DCBLD1: variants seen among roughly 807,000 people sequenced by gnomAD.
DCBLD1 encodes discoidin, CUB and LCCL domain containing 1, also known as discoidin, CUB and LCCL domain-containing protein 1.
Under a neutral mutation model 71.5 loss-of-function variants are expected in DCBLD1, and 57 were observed. The observed-to-expected ratio is 0.80, with a 90% CI of 0.64 to 0.99. DCBLD1 has a LOEUF of 0.99. DCBLD1 is among the 50% of genes least tolerant of loss of function. DCBLD1 has a pLI of 0.00. For synonymous variants in DCBLD1, 380 were observed against 363.8 expected (o/e 1.04, Z -0.51); for missense variants, 891 against 923.5 (o/e 0.96, Z 0.46).
chr6:117,569,275 TA>T (rs1223547387), intron 14 of DCBLD1, among the ~76,000 whole-genome samples: 6 of 152,224 alleles, frequency 3.9e-5, no homozygotes, highest in African/African-American at 1.4e-4. Context: ...CTGAGTACTT[TA>T]TATGTATTAA....
At chr6:117,503,697 G>A in intron 1 of DCBLD1, 70 bp from the exon 2 acceptor site, 1 of 1,517,830 alleles carries the variant, frequency 6.6e-7, no homozygotes. Flanking sequence ...AGATTGTATT[G>A]GACTCTCAAT....
intron 12 of DCBLD1, 78 bp downstream of exon 12, chr6:117,543,289 A>G: frequency 8.4e-7 from 1 of 1,192,906 alleles, no homozygotes; most frequent in South Asian, 1.2e-5. Flanking sequence ...TTCTTCAGAA[A>G]TGCATATGTA....
In DCBLD1 at chr6:117,569,704, G is replaced by T. The variant is rs1180763058; in HGVS notation, c.*80G>T. On this transcript the variant is annotated 3_prime_UTR_variant, in exon 15 of 15. Transcript: ENST00000296955. ...CAGGTTGCCCCGGATGGATCTCAGA[G>T]ATGAGGATTGGAACACCATGTTCTT... is the stretch of plus-strand genomic sequence containing the variant. 5.0e-6 allele frequency: 8 copies of T among 1,606,096 alleles called. No homozygotes were observed. The Admixed American group carries it at 1.4e-4, about 28-fold the overall frequency.
At position 117,548,181 on chromosome 6, in the gene DCBLD1, C is replaced by G. The variant is rs1002941679; in HGVS notation, c.1890C>G (p.His630Gln). 6.5e-6 allele frequency: 10 copies of G among 1,550,376 alleles called. No individual in the cohort carries two copies. The highest frequency in any genetic ancestry group is 1.7e-4 in the Middle Eastern group (1 of 5,992). Residue 630 changes from histidine to glutamine, a missense_variant, in exon 15 of 15, where the codon CAC (histidine) becomes CAG (glutamine). Coordinates refer to ENST00000338728, the MANE Select transcript of DCBLD1 (RefSeq NM_001366458.2). ...GYRVPGPQPG[H>Q]KHSLSSGGFS... ...GCGTCCCAGGGCCCCAGCCCGGCCACAAACACTCCCTCTCCTCGGGCGGCT... is the reference window on the plus strand; with the variant it reads ...GCGTCCCAGGGCCCCAGCCCGGCCAGAAACACTCCCTCTCCTCGGGCGGCT...
chr6:117,513,624 T>C (rs559982768), intron 2 of DCBLD1, among the ~76,000 whole-genome samples: 1 of 152,278 alleles, frequency 6.6e-6, no homozygotes, highest in East Asian at 1.9e-4. Flanking sequence ...AGTGAGAGAA[T>C]AGTAGGAAGT....
At chr6:117,552,646 C>G (rs1436659011), downstream of DCBLD1, among the ~76,000 whole-genome samples, 1 of 152,158 alleles carries the variant, frequency 6.6e-6, no homozygotes, top group Non-Finnish European at 1.5e-5. Context: ...CTTCATTCCT[C>G]CTTTGTAATC....
chr6:117,526,199 C>T (rs536877642), intron 5 of DCBLD1, among the ~76,000 whole-genome samples: 3 of 152,144 alleles, frequency 2.0e-5, no homozygotes, highest in Non-Finnish European at 4.4e-5. Context: ...AAAAGTTTGA[C>T]TGTGATTTTC....
chr6:117,482,749 G>A lies in DCBLD1; in HGVS notation c.-33G>A. On this transcript the variant is annotated 5_prime_UTR_variant, in exon 1 of 15. Coordinates refer to ENST00000338728, the MANE Select transcript of DCBLD1 (RefSeq NM_001366458.2). Reference sequence around the variant, plus strand: ...GCGGCTCGGGATCCGTCGAGGGGAGGCCGAGCTTGCCAAGCTGGCGCCCAG... The same window carrying A: ...GCGGCTCGGGATCCGTCGAGGGGAGACCGAGCTTGCCAAGCTGGCGCCCAG... 1.8e-6 allele frequency: 2 copies of A among 1,124,450 alleles called. No homozygotes were observed. The highest frequency in any genetic ancestry group is 3.8e-4 in the Middle Eastern group (1 of 2,634). 69.7% of individuals were successfully genotyped at this position (1,124,450 alleles called of 1,614,324 possible). A position where few individuals can be genotyped will look rare whatever the true frequency, so the allele number is the denominator to read the frequency against.
At chr6:117,538,366 G>A (rs1301995891) in intron 7 of DCBLD1, among the ~76,000 whole-genome samples, 1 of 152,196 alleles carries the variant, frequency 6.6e-6, no homozygotes, top group African/African-American at 2.4e-5. Context: ...CAGTGGGGAC[G>A]AAGAGGTGTC....
At chr6:117,501,351 G>A (rs1777653018) in intron 1 of DCBLD1, among the ~76,000 whole-genome samples, 1 of 152,036 alleles carries the variant, frequency 6.6e-6, no homozygotes, top group Non-Finnish European at 1.5e-5. Context: ...TGTTGTTGTT[G>A]TTGAGACGGA....
At chr6:117,510,190 T>C (rs1037065814) in intron 2 of DCBLD1, among the ~76,000 whole-genome samples, 6 of 152,334 alleles carry the variant, frequency 3.9e-5, no homozygotes, top group African/African-American at 1.4e-4. Context: ...TAGCCTCATC[T>C]CTGAGTCCTT....
intron 1 of DCBLD1, among the ~76,000 whole-genome samples, chr6:117,500,195 C>G (rs1777606782): frequency 6.6e-6 from 1 of 152,150 alleles, no homozygotes; most frequent in South Asian, 2.1e-4. Flanking sequence ...AGTGAAAATT[C>G]CTGATGTAGT....
At chr6:117,547,649 C>G (rs1210641951) in intron 14 of DCBLD1, 2 of 736,268 alleles carry the variant, frequency 2.7e-6, no homozygotes, top group Admixed American at 2.0e-5. Context: ...AAGTATGTCC[C>G]CATGCCCCAG....
In DCBLD1 at chr6:117,548,179, C is replaced by T. The variant is rs1041848416; in HGVS notation, c.1888C>T (p.His630Tyr). 7.7e-6 allele frequency: 12 copies of T among 1,550,262 alleles called. No homozygotes were observed. The highest frequency in any genetic ancestry group is 1.0e-5 in the Non-Finnish European group (12 of 1,146,908). Residue 630 changes from histidine (H) to tyrosine (Y), a missense_variant, in exon 15 of 15, where the codon CAC (histidine) becomes TAC (tyrosine). Physicochemically the swap from His to Tyr is moderately conservative, Grantham distance 83 (BLOSUM62 2). Transcript: ENST00000338728. ...GYRVPGPQPG[H>Y]KHSLSSGGFS... Reference sequence around the variant, plus strand: ...CCGCGTCCCAGGGCCCCAGCCCGGCCACAAACACTCCCTCTCCTCGGGCGG... The same window carrying T: ...CCGCGTCCCAGGGCCCCAGCCCGGCTACAAACACTCCCTCTCCTCGGGCGG...
rs1779201874 is a variant in DCBLD1 at position 117,544,518 on chromosome 6, G to A, written c.1446-10G>A. ...TTATAAATATTCAGTAGGACTTTTT[G>A]TCTTGATAGGAAGAAGAAGAAAGGA... On this transcript the variant is annotated splice_polypyrimidine_tract_variant and intron_variant, in intron 12 of 14. Transcript: ENST00000338728. 6.2e-7 allele frequency: 1 copy of A among 1,613,212 alleles called. No homozygotes were observed. The highest frequency in any genetic ancestry group is 8.5e-7 in the Non-Finnish European group (1 of 1,179,780).
At chr6:117,553,704 CT>C (rs1306160442), downstream of DCBLD1, among the ~76,000 whole-genome samples, 2 of 152,130 alleles carry the variant, frequency 1.3e-5, no homozygotes, top group African/African-American at 4.8e-5. Flanking sequence ...CTTTTGCATC[CT>C]TTCAGGGGAT....
intron 7 of DCBLD1, among the ~76,000 whole-genome samples, 175 bp downstream of exon 7, chr6:117,537,400 G>C (rs938006607): frequency 1.3e-5 from 2 of 151,796 alleles, no homozygotes; most frequent in South Asian, 2.1e-4. Context: ...CGGGCCTGGT[G>C]GGGGGCGCCT....
At chr6:117,493,359 A>G (rs1777360626) in intron 1 of DCBLD1, among the ~76,000 whole-genome samples, 1 of 152,164 alleles carries the variant, frequency 6.6e-6, no homozygotes. Flanking sequence ...TTCTTTTACA[A>G]AGCATCTTTC....
intron 5 of DCBLD1, among the ~76,000 whole-genome samples, 171 bp from the exon 6 acceptor site, chr6:117,532,089 T>C (rs11153669): frequency 0.32 from 48,230 of 152,082 alleles, 8,763 homozygotes; most frequent in African/African-American, 0.5. Context: ...ACAAAGCAAG[T>C]CACATGGTCC....
Sources: allele counts gnomAD v4.1 joint callset (sites outside exome capture counted in the v4.1 genomes callset), GRCh38; gene constraint gnomAD v4.1.1; transcripts MANE v1.5; gene names NCBI Gene and HGNC (gene_info 2026-07-23, HGNC 2026-07-21).